Variants in HAPLN1 observed in about 807,000 individuals in gnomAD.
HAPLN1 encodes the protein hyaluronan and proteoglycan link protein 1.
Under a neutral mutation model 36.5 loss-of-function variants are expected in HAPLN1, and 13 were observed. The observed-to-expected ratio is 0.36, with a 90% CI of 0.23 to 0.57. The LOEUF (loss-of-function observed/expected upper bound fraction) is 0.57. Ranked by LOEUF, HAPLN1 falls within the 20% of genes least tolerant of loss-of-function variation. HAPLN1 has a pLI of 0.83. For missense variants in HAPLN1, 407 were observed against 439.7 expected (o/e 0.93, Z 0.66); for synonymous variants, 202 against 169.8 (o/e 1.19, Z -1.48).
At chr5:83,704,218 G>A (rs755533609) in intron 1 of HAPLN1, among the ~76,000 whole-genome samples, 6 of 151,954 alleles carry the variant, frequency 3.9e-5, no homozygotes, top group African/African-American at 1.2e-4. Context: ...TAGGGAGTTC[G>A]TTACCACCAG....
intron 1 of HAPLN1, among the ~76,000 whole-genome samples, chr5:83,704,466 G>C (rs900577990): frequency 5.3e-5 from 8 of 152,078 alleles, no homozygotes; most frequent in African/African-American, 1.9e-4. Flanking sequence ...TGACAAACTA[G>C]ATTAAAAAGC....
chr5:83,687,744 C>T (rs1751166584), intron 1 of HAPLN1, among the ~76,000 whole-genome samples: 1 of 152,184 alleles, frequency 6.6e-6, no homozygotes, highest in Non-Finnish European at 1.5e-5. Flanking sequence ...TTAACATATC[C>T]TATTCCTTCA....
intron 1 of HAPLN1, among the ~76,000 whole-genome samples, chr5:83,686,921 G>T (rs947864412): frequency 1.3e-5 from 2 of 152,024 alleles, no homozygotes; most frequent in Non-Finnish European, 2.9e-5. Context: ...GAATTTCAAG[G>T]AAAGAATTTT....
chr5:83,676,480 CAGGTGTCTG>C (rs1338560120), intron 1 of HAPLN1, among the ~76,000 whole-genome samples: 1 of 152,136 alleles, frequency 6.6e-6, no homozygotes, highest in Non-Finnish European at 1.5e-5. Flanking sequence ...TCACAGTCTT[CAGGTGTCTG>C]AGCAATAAGC....
At chr5:83,662,671 G>A (rs1019984801) in intron 2 of HAPLN1, among the ~76,000 whole-genome samples, 4 of 152,312 alleles carry the variant, frequency 2.6e-5, no homozygotes, top group African/African-American at 9.6e-5. Flanking sequence ...GAAAACATTA[G>A]CATGAGTCAT....
At chr5:83,688,583 G>C (rs2112616944) in intron 1 of HAPLN1, among the ~76,000 whole-genome samples, 1 of 150,678 alleles carries the variant, frequency 6.6e-6, no homozygotes, top group East Asian at 1.9e-4. Flanking sequence ...CTCTTTTGTG[G>C]GCATTCACGA....
intron 1 of HAPLN1, among the ~76,000 whole-genome samples, chr5:83,689,146 G>C (rs568235861): frequency 4.6e-4 from 70 of 152,164 alleles, no homozygotes; most frequent in Admixed American, 1.0e-3. Context: ...TTAGGCTCCT[G>C]TTTGTAGGAA....
intron 1 of HAPLN1, among the ~76,000 whole-genome samples, chr5:83,718,738 C>T (rs989893118): frequency 3.3e-5 from 5 of 152,092 alleles, no homozygotes; most frequent in African/African-American, 1.2e-4. Flanking sequence ...TCAAATTTGC[C>T]TGGTATTTCG....
intron 1 of HAPLN1, among the ~76,000 whole-genome samples, chr5:83,697,987 T>C (rs1039282109): frequency 3.9e-5 from 6 of 152,176 alleles, no homozygotes; most frequent in African/African-American, 1.4e-4. Flanking sequence ...GATGTCTTTT[T>C]ATTTTCTTGA....
chr5:83,658,744 G>T (rs754658278), intron 2 of HAPLN1, among the ~76,000 whole-genome samples: 1 of 152,010 alleles, frequency 6.6e-6, no homozygotes, highest in African/African-American at 2.4e-5. Context: ...TAATCAGATC[G>T]CATCAGAAAC....
chr5:83,671,860 G>A (rs1476496358), intron 2 of HAPLN1, among the ~76,000 whole-genome samples: 2 of 152,142 alleles, frequency 1.3e-5, no homozygotes, highest in Non-Finnish European at 2.9e-5. Flanking sequence ...GGACTATCAA[G>A]CCTTTTTAAA....
intron 1 of HAPLN1, among the ~76,000 whole-genome samples, chr5:83,686,194 G>A (rs72772922): frequency 0.037 from 5,199 of 142,334 alleles, 125 homozygotes; most frequent in Non-Finnish European, 0.055. Flanking sequence ...TCAAATTACC[G>A]ATCTCATTTC....
rs1750864387 is a variant in HAPLN1, at chr5:83,676,501, A to G, written c.-26-2952T>C. ...TCTTCAGGTGTCTGAGCAATAAGCT[A>G]TATAAAACAAGGTGCTGCACACCAG... On this transcript the variant is annotated intron_variant, in intron 1 of 4. Coordinates refer to ENST00000274341, the MANE Select transcript of HAPLN1 (RefSeq NM_001884.4). Among the ~76,000 whole-genome samples the G allele has an allele frequency of 2.6e-5, 4 of 152,172 alleles. No homozygotes were observed. The South Asian group carries it at 8.3e-4, about 31-fold the overall frequency.
chr5:83,679,925 A>G (rs1004772889), intron 1 of HAPLN1, among the ~76,000 whole-genome samples: 19 of 152,220 alleles, frequency 1.2e-4, no homozygotes, highest in African/African-American at 3.9e-4. Context: ...TGGAGATATC[A>G]GATCGTCTCT....
chr5:83,677,820 A>C (rs1750893657), intron 1 of HAPLN1, among the ~76,000 whole-genome samples: 1 of 152,222 alleles, frequency 6.6e-6, no homozygotes. Context: ...GTTATGGATA[A>C]ATGTAAGAAA....
chr5:83,688,234 CT>C (rs1751179339), intron 1 of HAPLN1, among the ~76,000 whole-genome samples: 1 of 152,110 alleles, frequency 6.6e-6, no homozygotes, highest in South Asian at 2.1e-4. Flanking sequence ...GGTTTATTTT[CT>C]ATAGTGTACA....
intron 2 of HAPLN1, among the ~76,000 whole-genome samples, chr5:83,656,334 A>C (rs1750213110): frequency 6.6e-6 from 1 of 151,062 alleles, no homozygotes; most frequent in Admixed American, 6.6e-5. Flanking sequence ...TCTCAAAAAA[A>C]AAAAAAAAAA....
At chr5:83,720,229 A>G (rs2124884) in intron 1 of HAPLN1, among the ~76,000 whole-genome samples, 54,732 of 152,132 alleles carry the variant, frequency 0.36, 10,186 homozygotes, top group Non-Finnish European at 0.41. Flanking sequence ...ATGCATCATC[A>G]TTCTATGATC....
intron 1 of HAPLN1, among the ~76,000 whole-genome samples, chr5:83,718,395 G>C (rs1276863943): frequency 6.6e-6 from 1 of 152,078 alleles, no homozygotes; most frequent in Admixed American, 6.5e-5. Context: ...TTATCCACTA[G>C]GTGGCACACA....
Sources: gnomAD v4.1 joint callset for allele counts (sites outside exome capture counted in the v4.1 genomes callset) on GRCh38, gnomAD v4.1.1 for gene constraint, MANE v1.5 for transcripts, NCBI Gene and HGNC (gene_info 2026-07-23, HGNC 2026-07-21) for gene names.